Variants in CDK14 observed in about 807,000 individuals in gnomAD.
CDK14 encodes cyclin dependent kinase 14.
A neutral mutation model predicts 60.7 loss-of-function variants in CDK14; 34 were observed. The ratio of observed to expected loss-of-function variants is 0.56; its 90% confidence interval spans 0.43 to 0.75. The LOEUF (loss-of-function observed/expected upper bound fraction) is 0.75. Among genes scored for constraint, CDK14 ranks in the 30% least tolerant of loss-of-function variants. The pLI is 0.00. For missense variants in CDK14, 482 were observed against 564.1 expected (o/e 0.85, Z 1.47); for synonymous variants, 197 against 203.7 (o/e 0.97, Z 0.28).
chr7:90,848,913 G>C (rs1311097176), intron 5 of CDK14, among the ~76,000 whole-genome samples: 1 of 152,008 alleles, frequency 6.6e-6, no homozygotes, highest in Non-Finnish European at 1.5e-5. Context: ...CTGAAATTAC[G>C]ACCATCCACA....
intron 2 of CDK14, among the ~76,000 whole-genome samples, chr7:90,703,278 A>G (rs768029419): frequency 6.6e-6 from 1 of 152,154 alleles, no homozygotes; most frequent in Non-Finnish European, 1.5e-5. Context: ...TATTAGTGCT[A>G]TACATTTGGA....
chr7:90,811,244 G>A (rs1464763069), intron 5 of CDK14, among the ~76,000 whole-genome samples: 1 of 152,064 alleles, frequency 6.6e-6, no homozygotes, highest in Non-Finnish European at 1.5e-5. Context: ...AACCAAAACA[G>A]CATGGTACTG....
chr7:90,829,810 G>A (rs1789856123), intron 5 of CDK14, among the ~76,000 whole-genome samples: 1 of 152,174 alleles, frequency 6.6e-6, no homozygotes. Flanking sequence ...TGGGATTACA[G>A]GCATGAGACA....
Position 91,015,858 on chromosome 7 carries a change from G to A in CDK14, c.1042-30039G>A, listed in dbSNP as rs540764531. 2.0e-5 allele frequency among the ~76,000 whole-genome samples: 3 copies of A among 152,022 alleles called. No individual in the cohort carries two copies. The East Asian group carries it at 5.8e-4, about 29-fold the overall frequency. On this transcript the variant is annotated intron_variant, in intron 10 of 14. Coordinates refer to ENST00000380050, the MANE Select transcript of CDK14 (RefSeq NM_001287135.2). ...AGATTTTCAACAAGCATCCTAAAAT[G>A]ATAGTTGATGATTTACATGTTAGCA... is the stretch of plus-strand genomic sequence containing the variant.
chr7:90,736,344 G>GCTTTTTTTTTTTTTTT (rs1563063351), intron 3 of CDK14, among the ~76,000 whole-genome samples: 1 of 41,034 alleles, frequency 2.4e-5, no homozygotes. Context: ...ACTTTATTAT[G>GCTTTTTTTTTTTTTTT]TTTTTGTTTT....
chr7:90,964,164 A>G (rs1318636949), intron 9 of CDK14, among the ~76,000 whole-genome samples: 1 of 152,222 alleles, frequency 6.6e-6, no homozygotes, highest in Non-Finnish European at 1.5e-5. Flanking sequence ...ATAAGGTTGC[A>G]GTGGCCTTTG....
chr7:90,767,459 C>T (rs1015025272), intron 4 of CDK14, among the ~76,000 whole-genome samples: 1 of 152,132 alleles, frequency 6.6e-6, no homozygotes, highest in Admixed American at 6.5e-5. Context: ...GAAATCATAG[C>T]TATTTTCCCC....
chr7:90,935,117 C>G (rs1211745177), intron 8 of CDK14, among the ~76,000 whole-genome samples: 1 of 152,110 alleles, frequency 6.6e-6, no homozygotes, highest in Non-Finnish European at 1.5e-5. Flanking sequence ...CAAGAGTGGG[C>G]AAGAAAGAGA....
At chr7:90,791,771 A>G (rs756370966) in intron 5 of CDK14, among the ~76,000 whole-genome samples, 8 of 152,030 alleles carry the variant, frequency 5.3e-5, no homozygotes, top group Non-Finnish European at 1.0e-4. Context: ...GTCTTATTTT[A>G]CCCAGCCTTT....
chr7:90,703,508 G>C (rs778574809), intron 2 of CDK14, among the ~76,000 whole-genome samples: 3 of 152,192 alleles, frequency 2.0e-5, no homozygotes, highest in African/African-American at 4.8e-5. Context: ...AAATGTGCAT[G>C]TATATGTATG....
intron 14 of CDK14, among the ~76,000 whole-genome samples, chr7:91,182,579 G>T (rs1414902255): frequency 1.3e-5 from 2 of 151,762 alleles, no homozygotes; most frequent in East Asian, 3.9e-4. Context: ...TATATATATA[G>T]AAAAGAGGGA....
At chr7:91,027,977 CT>C (rs1425331144) in intron 10 of CDK14, among the ~76,000 whole-genome samples, 1 of 125,326 alleles carries the variant, frequency 8.0e-6, no homozygotes, top group Non-Finnish European at 1.7e-5. Flanking sequence ...CCCCTTTCCC[CT>C]CTCCCCTGTC....
chr7:90,939,587 T>G (rs1199368420), intron 8 of CDK14, among the ~76,000 whole-genome samples: 1 of 152,226 alleles, frequency 6.6e-6, no homozygotes, highest in African/African-American at 2.4e-5. Flanking sequence ...AAATGCAACA[T>G]TCATTGCATT....
chr7:90,597,065 T>G (rs771865717), intron 1 of CDK14: 6 of 268,020 alleles, frequency 2.2e-5, no homozygotes, highest in Non-Finnish European at 4.3e-5. Flanking sequence ...CTTGGGCCAC[T>G]TGTTATTTTT....
At chr7:90,726,371 G>C (rs1802631917) in intron 2 of CDK14, 196 bp from the exon 3 acceptor site, 1 of 1,305,122 alleles carries the variant, frequency 7.7e-7, no homozygotes. Context: ...GCTCTAGTGT[G>C]AGATCTAAGT....
intron 12 of CDK14, among the ~76,000 whole-genome samples, chr7:91,112,114 T>C (rs1799482250): frequency 2.0e-5 from 3 of 152,206 alleles, no homozygotes; most frequent in African/African-American, 4.8e-5. Context: ...AAAGAAACTT[T>C]AGTAACTGGA....
chr7:91,201,451 T>C (rs1346281170), intron 14 of CDK14, among the ~76,000 whole-genome samples: 2 of 151,080 alleles, frequency 1.3e-5, no homozygotes, highest in East Asian at 1.9e-4. Context: ...TTCTCTCCAG[T>C]GAGGCTTAGA....
chr7:90,923,079 T>C (rs1036935718), intron 8 of CDK14, among the ~76,000 whole-genome samples: 4 of 151,978 alleles, frequency 2.6e-5, no homozygotes, highest in African/African-American at 9.7e-5. Flanking sequence ...TATAGTATCA[T>C]TGAGAATAAT....
At chr7:91,069,297 A>G (rs188358664) in intron 11 of CDK14, among the ~76,000 whole-genome samples, 337 of 152,290 alleles carry the variant, frequency 2.2e-3, no homozygotes, top group Non-Finnish European at 3.7e-3. Context: ...TCAGCTACTC[A>G]GGAGGCTGAG....
Sources: allele counts gnomAD v4.1 joint callset (sites outside exome capture counted in the v4.1 genomes callset), GRCh38; gene constraint gnomAD v4.1.1; transcripts MANE v1.5; gene names NCBI Gene and HGNC (gene_info 2026-07-23, HGNC 2026-07-21).